The following FANK1 variants were observed in gnomAD, a reference collection of about 807,000 sequenced individuals.
FANK1 encodes the protein fibronectin type 3 and ankyrin repeat domains protein 1.
FANK1 carries 44 observed loss-of-function variants against 45.3 expected under a neutral mutation model. The observed-to-expected ratio is 0.97, with a 90% CI of 0.76 to 1.25. The LOEUF is 1.25. Among genes scored for constraint, FANK1 ranks in the 50% most tolerant of loss-of-function variants. The probability of loss-of-function intolerance (pLI) is 0.00; values close to 1 mark genes in which losing one functional copy is unlikely to be tolerated. For missense variants in FANK1, 391 were observed against 424.4 expected (o/e 0.92, Z 0.69); for synonymous variants, 149 against 152.5 (o/e 0.98, Z 0.17).
At chr10:125,957,772 G>T (rs574704528) in intron 1 of FANK1, among the ~76,000 whole-genome samples, 8 of 152,050 alleles carry the variant, frequency 5.3e-5, no homozygotes, top group Admixed American at 1.3e-4. Flanking sequence ...TAATCCCTTC[G>T]CCTTGGCCTC....
intron 1 of FANK1, among the ~76,000 whole-genome samples, chr10:125,965,413 G>T (rs1333418011): frequency 6.6e-6 from 1 of 152,182 alleles, no homozygotes; most frequent in Non-Finnish European, 1.5e-5. Flanking sequence ...TGTGTCTAAA[G>T]AATATATATA....
intron 1 of FANK1, among the ~76,000 whole-genome samples, chr10:125,977,130 T>C (rs1340556301): frequency 6.6e-6 from 1 of 152,164 alleles, no homozygotes; most frequent in Non-Finnish European, 1.5e-5. Context: ...CAAACTCTTA[T>C]TGGAGAACTG....
chr10:125,911,863 T>G (rs1946039799), intron 1 of FANK1, among the ~76,000 whole-genome samples: 1 of 152,166 alleles, frequency 6.6e-6, no homozygotes, highest in Non-Finnish European at 1.5e-5. Context: ...TACCTTTGTG[T>G]CCTTCCTGTT....
intron 7 of FANK1, among the ~76,000 whole-genome samples, chr10:126,006,772 A>G (rs1953243432): frequency 6.6e-6 from 1 of 152,218 alleles, no homozygotes; most frequent in Non-Finnish European, 1.5e-5. Flanking sequence ...AAGCAGGAGA[A>G]TTGCTTGAAC....
At chr10:125,904,418 A>G (rs1166952914) in intron 1 of FANK1, among the ~76,000 whole-genome samples, 1 of 152,180 alleles carries the variant, frequency 6.6e-6, no homozygotes, top group Non-Finnish European at 1.5e-5. Context: ...AAGGGAAAAA[A>G]TAACACCAAC....
chr10:125,923,879 T>G (rs1947126845), intron 1 of FANK1, among the ~76,000 whole-genome samples: 1 of 152,270 alleles, frequency 6.6e-6, no homozygotes, highest in Non-Finnish European at 1.5e-5. Context: ...ACAGTCCTCC[T>G]GTGCAAGATT....
chr10:125,999,078 A>T lies in FANK1; in HGVS notation c.539+1593A>T, dbSNP rs561182904. On this transcript the variant is annotated intron_variant, in intron 6 of 10. Transcript: ENST00000368693. Reference sequence around the variant, plus strand: ...TCCTATGAGGGCCATACCAGAGGGTAAGGTATTAGGAAATTTTTTAACGTA... The same window carrying T: ...TCCTATGAGGGCCATACCAGAGGGTTAGGTATTAGGAAATTTTTTAACGTA... Among the ~76,000 whole-genome samples the T allele has an allele frequency of 2.6e-5, 4 of 152,346 alleles. No individual in the cohort carries two copies. In the South Asian group the frequency reaches 8.3e-4, roughly 32 times the overall value.
intron 1 of FANK1, among the ~76,000 whole-genome samples, chr10:125,939,416 A>G (rs1321879114): frequency 6.6e-6 from 1 of 152,238 alleles, no homozygotes; most frequent in Non-Finnish European, 1.5e-5. Context: ...ATGCTAAAGT[A>G]CTTAGAGAAG....
rs561674209 is a variant in FANK1, at chr10:125,942,752, A to G, written c.14-37409A>G. ...ATCTACAAGCTTATTTGCTACTTCT[A>G]TTTGAAGTTTGTGTCTTTAATTACT... On this transcript the variant is annotated intron_variant, in intron 1 of 10. Transcript: ENST00000368693. 2.6e-5 allele frequency among the ~76,000 whole-genome samples: 4 copies of G among 151,110 alleles called. No homozygotes were observed. In the South Asian group the frequency reaches 6.3e-4, roughly 24 times the overall value.
In FANK1 at chr10:126,004,866, T is replaced by C; in HGVS notation, c.540-18T>C. Reference sequence around the variant, plus strand: ...GACTGTGCTTATTGTCAAATGCCGCTTCTTCCATATGTTGCAGTCTAATGC... The same window carrying C: ...GACTGTGCTTATTGTCAAATGCCGCCTCTTCCATATGTTGCAGTCTAATGC... On this transcript the variant is annotated intron_variant, in intron 6 of 10. Coordinates refer to ENST00000368693, the MANE Select transcript of FANK1 (RefSeq NM_145235.5). 1 of 1,612,984 alleles carries C rather than the reference T, an allele frequency of 6.2e-7. No homozygotes were observed. The highest frequency in any genetic ancestry group is 1.1e-5 in the South Asian group (1 of 91,030).
intron 8 of FANK1, among the ~76,000 whole-genome samples, 184 bp downstream of exon 8, chr10:126,008,734 T>G (rs948973812): frequency 6.6e-6 from 1 of 152,210 alleles, no homozygotes; most frequent in Admixed American, 6.5e-5. Context: ...TTCGTTGTCT[T>G]TTTACAACTA....
rs551280352 is a variant in FANK1 at position 125,924,167 on chromosome 10, T to G, written c.13+27512T>G. ...CTTGGCTGATTCTATTGTGTGTTTCTTTTGTATTTCATTTGTTTGTTATGT... is the reference window on the plus strand; with the variant it reads ...CTTGGCTGATTCTATTGTGTGTTTCGTTTGTATTTCATTTGTTTGTTATGT... On this transcript the variant is annotated intron_variant, in intron 1 of 10. Coordinates refer to ENST00000368693, the MANE Select transcript of FANK1 (RefSeq NM_145235.5). 3.5e-3 allele frequency among the ~76,000 whole-genome samples: 525 copies of G among 151,948 alleles called. 1 individual carries two copies. The highest frequency in any genetic ancestry group is 6.3e-3 in the Non-Finnish European group (427 of 68,038).
intron 1 of FANK1, among the ~76,000 whole-genome samples, chr10:125,918,993 G>A (rs1468986598): frequency 6.6e-6 from 1 of 151,954 alleles, no homozygotes; most frequent in Admixed American, 6.6e-5. Flanking sequence ...GGAAAGGGAA[G>A]GAGTCTCTGG....
At chr10:125,978,261 T>G (rs1950975494) in intron 1 of FANK1, among the ~76,000 whole-genome samples, 1 of 151,942 alleles carries the variant, frequency 6.6e-6, no homozygotes, top group African/African-American at 2.4e-5. Context: ...AGGAAGTGAC[T>G]GGAGACCCTG....
intron 6 of FANK1, among the ~76,000 whole-genome samples, chr10:125,998,861 C>G (rs1952539935): frequency 6.6e-6 from 1 of 152,214 alleles, no homozygotes; most frequent in Non-Finnish European, 1.5e-5. Flanking sequence ...AATGTAGGCT[C>G]TGTGGCTTGA....
At chr10:126,004,661 A>G (rs1953043455) in intron 6 of FANK1, 2 of 496,898 alleles carry the variant, frequency 4.0e-6, no homozygotes, top group South Asian at 4.9e-5. Context: ...CAGTGTTTCG[A>G]GGTTCATGCA....
At chr10:125,916,807 G>A (rs1397407150) in intron 1 of FANK1, among the ~76,000 whole-genome samples, 1 of 152,148 alleles carries the variant, frequency 6.6e-6, no homozygotes, top group Non-Finnish European at 1.5e-5. Flanking sequence ...GAAGCTGAAG[G>A]AATCTCAGAA....
chr10:126,002,873 T>C (rs1952882561), intron 6 of FANK1, among the ~76,000 whole-genome samples: 1 of 151,104 alleles, frequency 6.6e-6, no homozygotes, highest in South Asian at 2.1e-4. Flanking sequence ...ACACAGTCAT[T>C]AACCTGCATA....
intron 1 of FANK1, among the ~76,000 whole-genome samples, chr10:125,911,217 C>G (rs930287151): frequency 1.3e-5 from 2 of 152,040 alleles, no homozygotes; most frequent in African/African-American, 4.8e-5. Context: ...ACGTCAGACT[C>G]AGGCAATACG....
Sources: allele counts gnomAD v4.1 joint callset (sites outside exome capture counted in the v4.1 genomes callset), GRCh38; gene constraint gnomAD v4.1.1; transcripts MANE v1.5; gene names NCBI Gene and HGNC (gene_info 2026-07-23, HGNC 2026-07-21).